Variants in MEI4 observed in about 807,000 individuals in gnomAD.
MEI4 encodes the protein meiosis-specific protein MEI4.
MEI4 carries 27 observed loss-of-function variants against 31.4 expected under a neutral mutation model. The observed-to-expected ratio is 0.86, with a 90% CI of 0.63 to 1.19. The LOEUF is 1.19. Among genes scored for constraint, MEI4 ranks in the 50% most tolerant of loss-of-function variants. The probability of loss-of-function intolerance (pLI) is 0.00; values close to 1 mark genes in which losing one functional copy is unlikely to be tolerated. For synonymous variants in MEI4, 122 were observed against 145.4 expected, an observed-to-expected ratio of 0.84 and a Z score of 1.16; for missense variants, 329 against 398.9, an observed-to-expected ratio of 0.82 and a Z score of 1.49.
At chr6:77,883,745 AC>A (rs1403476709) in intron 4 of MEI4, among the ~76,000 whole-genome samples, 144 of 81,990 alleles carry the variant, frequency 1.8e-3, no homozygotes, top group African/African-American at 2.5e-3. Context: ...TATATATATA[AC>A]TTTGTCTTTG....
At chr6:77,833,751 G>A (rs1770138331) in intron 4 of MEI4, among the ~76,000 whole-genome samples, 1 of 152,186 alleles carries the variant, frequency 6.6e-6, no homozygotes, top group Non-Finnish European at 1.5e-5. Flanking sequence ...AGCCCCGCAT[G>A]CATTAGGTAT....
At chr6:77,707,242 C>G (rs1280065586) in intron 2 of MEI4, among the ~76,000 whole-genome samples, 1 of 151,948 alleles carries the variant, frequency 6.6e-6, no homozygotes, top group Non-Finnish European at 1.5e-5. Flanking sequence ...CACTTTATAC[C>G]CTAGCAAAGA....
chr6:77,687,684 C>G (rs1206484333), intron 1 of MEI4, among the ~76,000 whole-genome samples: 1 of 152,102 alleles, frequency 6.6e-6, no homozygotes, highest in Non-Finnish European at 1.5e-5. Context: ...CAGTAAGTCA[C>G]TCTATTTATT....
intron 1 of MEI4, among the ~76,000 whole-genome samples, chr6:77,661,210 A>G (rs1768499394): frequency 6.6e-6 from 1 of 152,164 alleles, no homozygotes; most frequent in South Asian, 2.1e-4. Flanking sequence ...TTAAAAGACC[A>G]TTAGTCCGTT....
intron 4 of MEI4, among the ~76,000 whole-genome samples, chr6:77,854,506 ATAT>A (rs1456145803): frequency 6.6e-6 from 1 of 151,514 alleles, no homozygotes; most frequent in Non-Finnish European, 1.5e-5. Context: ...AGATAAAAAT[ATAT>A]TATTTTTATT....
intron 3 of MEI4, among the ~76,000 whole-genome samples, chr6:77,826,962 A>G (rs1423647632): frequency 6.6e-6 from 1 of 152,178 alleles, no homozygotes; most frequent in Non-Finnish European, 1.5e-5. Flanking sequence ...TGAATCCTCT[A>G]GGTAAACATA....
Position 77,795,763 on chromosome 6 carries a change from T to TC in MEI4, c.769-33168_769-33167insC, listed in dbSNP as rs1450395881. The stretch of plus-strand genomic sequence containing the variant: ...GGCAATAATGAATAAAGAGATTGCA[T>TC]TGGAAAAAAAAAAAACTCCCAACAA... On this transcript the variant is annotated intron_variant, in intron 3 of 4. Coordinates refer to ENST00000684080, the MANE Select transcript of MEI4 (RefSeq NM_001322247.2). 2.0e-4 allele frequency among the ~76,000 whole-genome samples: 27 copies of TC among 134,492 alleles called. No individual in the cohort carries two copies. The East Asian group carries it at 4.8e-3, about 24-fold the overall frequency. 88.2% of individuals were successfully genotyped at this position (134,492 alleles called of 152,430 possible). A position where few individuals can be genotyped will look rare whatever the true frequency, so the allele number is the denominator to read the frequency against.
chr6:77,851,192 C>G (rs376554894), intron 4 of MEI4, among the ~76,000 whole-genome samples: 1 of 152,124 alleles, frequency 6.6e-6, no homozygotes. Context: ...GTTGGTGGGA[C>G]TGTAAACTAG....
chr6:77,779,000 G>A (rs189227314), intron 3 of MEI4, among the ~76,000 whole-genome samples: 48 of 152,194 alleles, frequency 3.2e-4, no homozygotes, highest in African/African-American at 8.9e-4. Context: ...AATCAGTGGC[G>A]TTATCAATAT....
At chr6:77,821,825 C>T (rs979135691) in intron 3 of MEI4, among the ~76,000 whole-genome samples, 7 of 134,056 alleles carry the variant, frequency 5.2e-5, no homozygotes, top group Admixed American at 2.3e-4. Context: ...AAAAAAAAAT[C>T]GTGCTGCTTA....
chr6:77,686,875 C>CTTTTTTTTTTTTTTTTTTTTTTTTTT (rs70974681), intron 1 of MEI4, among the ~76,000 whole-genome samples: 4 of 132,486 alleles, frequency 3.0e-5, no homozygotes, highest in Non-Finnish European at 6.6e-5. Context: ...GTCTGTGGCT[C>CTTTTTTTTTTTTTTTTTTTTTTTTTT]TTTTTTTTTG....
At chr6:77,663,533 G>A (rs1768555371) in intron 1 of MEI4, among the ~76,000 whole-genome samples, 1 of 152,146 alleles carries the variant, frequency 6.6e-6, no homozygotes, top group African/African-American at 2.4e-5. Flanking sequence ...AGCCTAATAA[G>A]GGAACTGGGC....
At chr6:77,650,986 G>A (rs1258505367), upstream of MEI4, among the ~76,000 whole-genome samples, 1 of 152,188 alleles carries the variant, frequency 6.6e-6, no homozygotes, top group African/African-American at 2.4e-5. Context: ...AATAGGTGAA[G>A]TGCTGTAGGT....
chr6:77,702,832 C>G (rs1263205170), intron 2 of MEI4, among the ~76,000 whole-genome samples: 1 of 152,154 alleles, frequency 6.6e-6, no homozygotes, highest in Non-Finnish European at 1.5e-5. Flanking sequence ...TTTGAATGGA[C>G]CTTGCTCAGC....
At chr6:77,868,104 A>T (rs533994189) in intron 4 of MEI4, among the ~76,000 whole-genome samples, 189 of 151,944 alleles carry the variant, frequency 1.2e-3, no homozygotes, top group African/African-American at 4.5e-3. Context: ...GCATTAGGAG[A>T]TTTACCTAAT....
intron 4 of MEI4, among the ~76,000 whole-genome samples, chr6:77,830,603 T>C (rs1250488427): frequency 6.6e-6 from 1 of 152,096 alleles, no homozygotes; most frequent in African/African-American, 2.4e-5. Context: ...GGCAGGTTTA[T>C]GTTGTTGAAT....
chr6:77,748,783 T>C lies in MEI4; in HGVS notation c.233-12347T>C, dbSNP rs188388152. On this transcript the variant is annotated intron_variant, in intron 2 of 4. Transcript: ENST00000684080. ...TGTCACCTCTTGAATGCTTTGCTGC[T>C]TTGAAATTTCTTCATATAGATTTTC... 3.6e-3 allele frequency among the ~76,000 whole-genome samples: 545 copies of C among 152,360 alleles called. 4 individuals are homozygous for C. The highest frequency in any genetic ancestry group is 0.012 in the African/African-American group (519 of 41,588).
At chr6:77,655,662 T>G (rs1460224577) in intron 1 of MEI4, among the ~76,000 whole-genome samples, 2 of 152,180 alleles carry the variant, frequency 1.3e-5, no homozygotes, top group East Asian at 3.8e-4. Flanking sequence ...TCTTTAGGTT[T>G]TCCTTAAAAT....
At chr6:77,863,876 G>C (rs1177496599) in intron 4 of MEI4, among the ~76,000 whole-genome samples, 1 of 152,184 alleles carries the variant, frequency 6.6e-6, no homozygotes, top group Non-Finnish European at 1.5e-5. Flanking sequence ...ACTAACAGCT[G>C]ATCTCTTGGC....
Sources: allele counts gnomAD v4.1 joint callset (sites outside exome capture counted in the v4.1 genomes callset), GRCh38; gene constraint gnomAD v4.1.1; transcripts MANE v1.5; gene names NCBI Gene and HGNC (gene_info 2026-07-23, HGNC 2026-07-21).